OPCML: variants seen among roughly 807,000 people sequenced by gnomAD.
The protein encoded by OPCML is opioid-binding protein/cell adhesion molecule.
In OPCML, 13 loss-of-function variants were observed where a neutral mutation model predicts 37.8. The observed-to-expected ratio is 0.34, with a 90% confidence interval of 0.22 to 0.55. The LOEUF is 0.55. Ranked by LOEUF, OPCML falls within the 20% of genes least tolerant of loss-of-function variation. The pLI, the probability that OPCML is intolerant of heterozygous loss-of-function variation, is 0.91. For missense variants in OPCML, 341 were observed against 435.6 expected, an observed-to-expected ratio of 0.78 and a Z score of 1.93; for synonymous variants, 176 against 168.8, an observed-to-expected ratio of 1.04 and a Z score of -0.33.
intron 1 of OPCML, among the ~76,000 whole-genome samples, chr11:132,984,374 C>T (rs1425914205): frequency 2.0e-5 from 3 of 152,146 alleles, no homozygotes; most frequent in Non-Finnish European, 4.4e-5. Flanking sequence ...TTCCTCAGTA[C>T]TGGGACCTTG....
intron 1 of OPCML, among the ~76,000 whole-genome samples, chr11:133,449,839 G>GT: frequency 6.7e-6 from 1 of 150,194 alleles, no homozygotes; most frequent in Non-Finnish European, 1.5e-5. Context: ...CATGCATTTT[G>GT]TCGGGGGGCC....
At chr11:132,889,039 T>C (rs1943537278) in intron 2 of OPCML, among the ~76,000 whole-genome samples, 1 of 152,168 alleles carries the variant, frequency 6.6e-6, no homozygotes, top group African/African-American at 2.4e-5. Flanking sequence ...TCAGGACTTA[T>C]GTCCAGGTAC....
intron 4 of OPCML, among the ~76,000 whole-genome samples, chr11:132,514,720 G>C (rs774028956): frequency 1.3e-5 from 2 of 152,118 alleles, no homozygotes; most frequent in Non-Finnish European, 2.9e-5. Flanking sequence ...CTGCCAAAAA[G>C]ATACAAAGTG....
intron 1 of OPCML, among the ~76,000 whole-genome samples, chr11:132,968,194 C>T (rs1946256211): frequency 6.6e-6 from 1 of 152,172 alleles, no homozygotes; most frequent in South Asian, 2.1e-4. Context: ...TTGCTCATTA[C>T]TGGTATATGG....
chr11:132,491,670 A>G (rs921274587), intron 4 of OPCML, among the ~76,000 whole-genome samples: 1 of 152,250 alleles, frequency 6.6e-6, no homozygotes, highest in Admixed American at 6.5e-5. Flanking sequence ...TTCAACATAT[A>G]CATGCTAAGC....
chr11:133,170,886 G>C (rs182838966), intron 1 of OPCML, among the ~76,000 whole-genome samples: 2 of 152,298 alleles, frequency 1.3e-5, no homozygotes, highest in South Asian at 4.1e-4. Flanking sequence ...CTCCTCATGA[G>C]CAAAGAAGTG....
chr11:132,749,056 A>C (rs938931603), intron 2 of OPCML, among the ~76,000 whole-genome samples: 9 of 152,124 alleles, frequency 5.9e-5, no homozygotes, highest in Non-Finnish European at 7.4e-5. Flanking sequence ...TTGCTTTGAG[A>C]AGTGATCAGG....
chr11:132,767,910 G>A (rs1046686626), intron 2 of OPCML, among the ~76,000 whole-genome samples: 6 of 152,070 alleles, frequency 3.9e-5, no homozygotes, highest in Admixed American at 3.3e-4. Flanking sequence ...TACTCAGATA[G>A]GTTCACATTA....
chr11:132,660,912 TACTC>T (rs1941948060), intron 2 of OPCML, among the ~76,000 whole-genome samples: 1 of 152,144 alleles, frequency 6.6e-6, no homozygotes, highest in African/African-American at 2.4e-5. Context: ...CTCAGGCACT[TACTC>T]AAGCAGATCA....
chr11:132,995,976 A>G (rs773647740), intron 1 of OPCML, among the ~76,000 whole-genome samples: 12 of 152,186 alleles, frequency 7.9e-5, no homozygotes, highest in Non-Finnish European at 1.8e-4. Context: ...GCCCCAGCCA[A>G]GAGTCTTCTC....
At chr11:132,453,487 C>T (rs1343499284) in intron 4 of OPCML, among the ~76,000 whole-genome samples, 2 of 152,160 alleles carry the variant, frequency 1.3e-5, no homozygotes, top group Non-Finnish European at 2.9e-5. Context: ...TGATCGGGCC[C>T]CACAAAAGGA....
At chr11:133,484,328 T>C (rs1387944888) in intron 1 of OPCML, among the ~76,000 whole-genome samples, 4 of 152,102 alleles carry the variant, frequency 2.6e-5, no homozygotes, top group Non-Finnish European at 5.9e-5. Context: ...GGTCCAATGA[T>C]GATAATGTCC....
chr11:132,721,933 A>AT (rs1268851787), intron 2 of OPCML, among the ~76,000 whole-genome samples: 5 of 109,426 alleles, frequency 4.6e-5, no homozygotes, highest in Non-Finnish European at 9.8e-5. Context: ...AAGGGAATGT[A>AT]TTTTTTCTTT....
At chr11:132,827,741 G>A (rs908732424) in intron 2 of OPCML, among the ~76,000 whole-genome samples, 2 of 152,126 alleles carry the variant, frequency 1.3e-5, no homozygotes, top group Non-Finnish European at 2.9e-5. Flanking sequence ...CCGCATTCAA[G>A]TGATTCTCCT....
chr11:132,806,353 A>G (rs1042577533), intron 2 of OPCML, among the ~76,000 whole-genome samples: 1 of 152,314 alleles, frequency 6.6e-6, no homozygotes, highest in African/African-American at 2.4e-5. Context: ...CACAACTGTT[A>G]GCTGTCTACA....
intron 4 of OPCML, among the ~76,000 whole-genome samples, chr11:132,454,071 C>T (rs1333148890): frequency 1.3e-5 from 2 of 152,300 alleles, no homozygotes; most frequent in African/African-American, 4.8e-5. Context: ...CTACTATGTG[C>T]ACAACACATG....
At chr11:132,816,741 G>A (rs1939661841) in intron 2 of OPCML, among the ~76,000 whole-genome samples, 2 of 152,172 alleles carry the variant, frequency 1.3e-5, no homozygotes, top group Non-Finnish European at 2.9e-5. Context: ...ACACAGATGT[G>A]TAGCCTGCTT....
chr11:132,590,340 G>A (rs996784760), intron 3 of OPCML, among the ~76,000 whole-genome samples: 1 of 150,020 alleles, frequency 6.7e-6, no homozygotes, highest in African/African-American at 2.5e-5. Context: ...CTAAAACAAA[G>A]GTGCCTCCCC....
At chr11:133,503,886 G>C in intron 1 of OPCML, among the ~76,000 whole-genome samples, 1 of 152,212 alleles carries the variant, frequency 6.6e-6, no homozygotes, top group South Asian at 2.1e-4. Flanking sequence ...TCTTCCTCCC[G>C]AGGACTAAGC....
Sources: gnomAD v4.1 joint callset for allele counts (sites outside exome capture counted in the v4.1 genomes callset) on GRCh38, gnomAD v4.1.1 for gene constraint, MANE v1.5 for transcripts, NCBI Gene and HGNC (gene_info 2026-07-23, HGNC 2026-07-21) for gene names.